The following PBRM1 variants were observed in gnomAD, a reference collection of about 807,000 sequenced individuals.
PBRM1 encodes the protein polybromo 1.
In PBRM1, 27 loss-of-function variants were observed where a neutral mutation model predicts 194.5. The observed-to-expected ratio is 0.14, with a 90% confidence interval of 0.10 to 0.19. The LOEUF (loss-of-function observed/expected upper bound fraction) is 0.19. Ranked by LOEUF, PBRM1 falls within the 10% of genes least tolerant of loss-of-function variation. PBRM1 has a pLI of 1.00. For missense variants in PBRM1, 1,466 were observed against 2,077.2 expected (o/e 0.71, Z 5.72); for synonymous variants, 655 against 693.2 (o/e 0.94, Z 0.87).
chr3:52,683,217 A>AT (rs1376370685), upstream of PBRM1, among the ~76,000 whole-genome samples: 4 of 151,368 alleles, frequency 2.6e-5, no homozygotes, highest in Non-Finnish European at 5.9e-5. Flanking sequence ...AAATAATAAA[A>AT]AAAAAAATTA....
intron 2 of PBRM1, among the ~76,000 whole-genome samples, chr3:52,671,908 A>T (rs1051671338): frequency 1.3e-5 from 2 of 152,212 alleles, no homozygotes; most frequent in African/African-American, 4.8e-5. Flanking sequence ...GTAACTACCC[A>T]CTGTAGCATC....
chr3:52,554,741 G>T, exon 27 of PBRM1: 3 of 1,557,672 alleles, frequency 1.9e-6, no homozygotes, highest in Non-Finnish European at 2.6e-6. Context: ...TGGGATGCCC[G>T]GGAGGCCAGG....
chr3:52,590,307 A>G (rs1402872104), intron 17 of PBRM1, among the ~76,000 whole-genome samples: 2 of 152,002 alleles, frequency 1.3e-5, no homozygotes, highest in African/African-American at 4.8e-5. Context: ...ATATTAAAAA[A>G]TTAGCCAGCA....
chr3:52,605,334 C>T (rs536684244), intron 16 of PBRM1, among the ~76,000 whole-genome samples: 13 of 152,182 alleles, frequency 8.5e-5, no homozygotes, highest in Admixed American at 8.5e-4. Flanking sequence ...AGATGTGAGC[C>T]ACCACACCTG....
intron 23 of PBRM1, 59 bp downstream of exon 25, chr3:52,563,991 A>C (rs1450709402): frequency 9.2e-7 from 1 of 1,084,030 alleles, no homozygotes; most frequent in African/African-American, 1.6e-5. Flanking sequence ...ACTGGACTAC[A>C]CTATGTTGCT....
intron 2 of PBRM1, among the ~76,000 whole-genome samples, chr3:52,669,463 T>C (rs2096905530): frequency 1.3e-5 from 2 of 152,212 alleles, no homozygotes; most frequent in African/African-American, 4.8e-5. Flanking sequence ...GGATGTTTAG[T>C]ATTTTTTCTG....
At chr3:52,678,391 T>C in intron 2 of PBRM1, 109 bp downstream of exon 3, 2 of 663,960 alleles carry the variant, frequency 3.0e-6, no homozygotes, top group East Asian at 5.2e-5. Flanking sequence ...TGGACCCCAG[T>C]ATCATTTAAG....
intron 1 of PBRM1, 121 bp downstream of exon 1, chr3:52,685,628 C>A (rs1419640856): frequency 6.7e-6 from 1 of 148,220 alleles, no homozygotes; most frequent in Non-Finnish European, 1.5e-5. Flanking sequence ...CCCGGCCCGA[C>A]CCGCGCGTCC....
intron 10 of PBRM1, among the ~76,000 whole-genome samples, chr3:52,640,033 T>C (rs1270157908): frequency 1.3e-5 from 2 of 152,206 alleles, no homozygotes; most frequent in Non-Finnish European, 2.9e-5. Context: ...AATTTCTCTG[T>C]AAAGTTTCAT....
chr3:52,603,446 T>C (rs1314166949), intron 17 of PBRM1, 75 bp downstream of exon 19: 11 of 1,484,228 alleles, frequency 7.4e-6, no homozygotes, highest in Admixed American at 6.5e-5. Context: ...ACAGGACTCT[T>C]TTCCACAGCT....
intron 5 of PBRM1, among the ~76,000 whole-genome samples, chr3:52,656,498 T>C (rs775619895): frequency 6.6e-6 from 1 of 152,132 alleles, no homozygotes; most frequent in Non-Finnish European, 1.5e-5. Context: ...AGCTTGTCTC[T>C]ACTAAAAAAT....
Position 52,644,695 on chromosome 3 carries a change from T to C in PBRM1, c.899+9A>G. 6.9e-7 allele frequency: 1 copy of C among 1,446,060 alleles called. No individual in the cohort carries two copies. Among genetic ancestry groups the C allele is most frequent in the South Asian group, 1.2e-5 (1 of 85,478 alleles). The allele number at this position is 1,446,060 out of a possible 1,614,324, so 89.6% of individuals were successfully genotyped here. On this transcript the variant is annotated intron_variant, in intron 8 of 29. Transcript: ENST00000296302. ...ACCACGCCCAGCCTAGACATTTTCT[T>C]AAACCTACCTCATTCGAAGACTTGA...
exon 15 of PBRM1, chr3:52,615,375 T>C (rs755967526): frequency 2.5e-6 from 4 of 1,608,760 alleles, no homozygotes; most frequent in Non-Finnish European, 3.4e-6. Context: ...GGAGAAGCCA[T>C]GTCATCATCA....
chr3:52,626,039 C>G (rs1264800722), intron 13 of PBRM1, among the ~76,000 whole-genome samples: 5 of 152,226 alleles, frequency 3.3e-5, no homozygotes, highest in Admixed American at 2.6e-4. Flanking sequence ...ATTGTACCAT[C>G]ACTTTTGCCT....
At position 52,584,450 on chromosome 3, in the gene PBRM1, C is replaced by CTTTTTTTTTTTTTTTTTT. The variant is rs397989611; in HGVS notation, c.3387+1957_3387+1974dup. Among the ~76,000 whole-genome samples the CTTTTTTTTTTTTTTTTTT allele has an allele frequency of 3.3e-4, 20 of 60,750 alleles. 6 individuals carry two copies. The highest frequency in any genetic ancestry group is 1.2e-3 in the African/African-American group (16 of 12,930). The allele number at this position is 60,750 out of a possible 152,430, so 39.9% of individuals were successfully genotyped here. The stretch of plus-strand genomic sequence containing the variant: ...AATTATCTGCAGAAAAGTATTCTTG[C>CTTTTTTTTTTTTTTTTTT]TTTTTTTTTTTTTTTTTTTTTTTTT... On this transcript the variant is annotated intron_variant, in intron 20 of 29. Transcript: ENST00000296302.
At chr3:52,578,816 G>C (rs374501842) in intron 21 of PBRM1, among the ~76,000 whole-genome samples, 129 of 152,320 alleles carry the variant, frequency 8.5e-4, no homozygotes, top group African/African-American at 3.0e-3. Context: ...GGAGTTTACT[G>C]TATGAAGTAG....
At chr3:52,586,976 A>T (rs886775621) in intron 19 of PBRM1, among the ~76,000 whole-genome samples, 5 of 152,176 alleles carry the variant, frequency 3.3e-5, no homozygotes, top group African/African-American at 9.7e-5. Flanking sequence ...ATATAGCTAT[A>T]ATGTTCCTTA....
chr3:52,563,518 TAA>T, intron 23 of PBRM1, 25 bp from the exon 26 acceptor site: 1 of 1,513,844 alleles, frequency 6.6e-7, no homozygotes. Flanking sequence ...ATAAAAAACC[TAA>T]AATCACCTAA....
upstream of PBRM1, among the ~76,000 whole-genome samples, chr3:52,682,477 G>A (rs919975438): frequency 6.6e-6 from 1 of 151,808 alleles, no homozygotes; most frequent in African/African-American, 2.4e-5. Context: ...TTATCAGCAT[G>A]TGTATGTCGT....
Sources: allele counts gnomAD v4.1 joint callset (sites outside exome capture counted in the v4.1 genomes callset), GRCh38; gene constraint gnomAD v4.1.1; transcripts MANE v1.5; gene names NCBI Gene and HGNC (gene_info 2026-07-23, HGNC 2026-07-21).